Variants in SYNE1 observed in about 807,000 individuals in gnomAD.
The protein encoded by SYNE1 is nesprin-1.
A neutral mutation model predicts 1,111.0 loss-of-function variants in SYNE1; 616 were observed. The ratio of observed to expected loss-of-function variants is 0.55; its 90% CI spans 0.52 to 0.59. The LOEUF is 0.59. Among genes scored for constraint, SYNE1 ranks in the 20% least tolerant of loss-of-function variants. SYNE1 has a pLI of 0.00. For synonymous variants in SYNE1, 3,855 were observed against 3,825.8 expected, an observed-to-expected ratio of 1.01 and a Z score of -0.28; for missense variants, 10,006 against 10,417.0, an observed-to-expected ratio of 0.96 and a Z score of 1.72.
At chr6:152,503,172 G>C (rs1171720765) in intron 9 of SYNE1, among the ~76,000 whole-genome samples, 15 of 152,090 alleles carry the variant, frequency 9.9e-5, no homozygotes, top group Non-Finnish European at 1.5e-5. Context: ...GTGTGACACT[G>C]AATGACATAT....
At chr6:152,328,917 G>A (rs921319536) in intron 78 of SYNE1, among the ~76,000 whole-genome samples, 2 of 152,194 alleles carry the variant, frequency 1.3e-5, no homozygotes. Context: ...AAGAGATGGG[G>A]CAACTAATGG....
chr6:152,416,725 C>A lies in SYNE1; in HGVS notation c.5712G>T (p.Leu1904Phe). The A allele has an allele frequency of 6.2e-7, 1 of 1,614,232 alleles. No homozygotes were observed. Among genetic ancestry groups the A allele is most frequent in the Non-Finnish European group, 8.5e-7 (1 of 1,180,046 alleles). Residue 1904 changes from leucine to phenylalanine, a missense_variant, in exon 41 of 146, where the codon TTG (leucine) becomes TTT (phenylalanine). Leu to Phe is a conservative substitution (Grantham distance 22, BLOSUM62 0). Coordinates refer to ENST00000367255, the MANE Select transcript of SYNE1 (RefSeq NM_182961.4). ...TNSMNKNESD[L>F]IEKDLNDALQ... Reference sequence around the variant, plus strand: ...GAGCATCATTGAGGTCCTTTTCTATCAAATCAGACTCGTTCTTATTCATAC... The same window carrying A: ...GAGCATCATTGAGGTCCTTTTCTATAAAATCAGACTCGTTCTTATTCATAC...
chr6:152,291,491 C>T (rs1284512615), intron 95 of SYNE1, among the ~76,000 whole-genome samples: 1 of 152,114 alleles, frequency 6.6e-6, no homozygotes, highest in African/African-American at 2.4e-5. Context: ...AATTAATGTG[C>T]AATTTTGAGT....
chr6:152,188,505 A>G (rs1390852541), intron 128 of SYNE1, among the ~76,000 whole-genome samples: 1 of 152,202 alleles, frequency 6.6e-6, no homozygotes, highest in East Asian at 1.9e-4. Context: ...CCAGGAAACA[A>G]CTACAGTAAA....
chr6:152,182,049 C>T (rs74644749), intron 128 of SYNE1, among the ~76,000 whole-genome samples: 4,449 of 152,242 alleles, frequency 0.029, 111 homozygotes, highest in Non-Finnish European at 0.045. Flanking sequence ...TTGTATATCT[C>T]CTTTGGAGAA....
intron 82 of SYNE1, among the ~76,000 whole-genome samples, chr6:152,322,386 C>T (rs192451210): frequency 6.6e-6 from 1 of 152,170 alleles, no homozygotes; most frequent in Non-Finnish European, 1.5e-5. Flanking sequence ...CTTGACATCA[C>T]CTATAAGGGA....
Position 152,442,930 on chromosome 6 carries a change from AGT to A in SYNE1, c.3838-687_3838-686del, listed in dbSNP as rs2098545496. Among the ~76,000 whole-genome samples, 8 of 152,336 alleles carry A rather than the reference AGT, an allele frequency of 5.3e-5. No individual in the cohort carries two copies. The South Asian group carries it at 1.7e-3, about 32-fold the overall frequency. On this transcript the variant is annotated intron_variant, in intron 30 of 145. Coordinates refer to ENST00000367255, the MANE Select transcript of SYNE1 (RefSeq NM_182961.4). ...CACTACACTCCAGCCTGTGTGGCAG[AGT>A]GAGACACTGTCTCCAAAAATAAATG...
At position 152,140,054 on chromosome 6, in the gene SYNE1, T is replaced by C. The variant is rs570985950; in HGVS notation, c.25354A>G (p.Ile8452Val). The change falls in exon 140 of 146, where the codon ATC becomes GTC. Residue 8452 changes from isoleucine (I) to valine (V), a missense_variant. By Grantham distance (29) the Ile-to-Val change is conservative. Around this residue, in one of 7 missense-constraint regions of SYNE1, gnomAD observed 761 missense variants for 795.5 expected, o/e 0.96. Coordinates refer to ENST00000367255, the MANE Select transcript of SYNE1 (RefSeq NM_182961.4). ...TCCGTGTCCCCCAGCCAGGCCCAGA[T>C]GCTGTTCAAGTCTGAGTTAAACTGC... ...WQQFNSDLNS[I>V]WAWLGDTEEE... 1 of 1,614,210 alleles carries C rather than the reference T, an allele frequency of 6.2e-7. No individual in the cohort carries two copies. The highest frequency in any genetic ancestry group is 1.3e-5 in the African/African-American group (1 of 75,058).
chr6:152,131,659 C>G (rs1259535086), intron 144 of SYNE1, among the ~76,000 whole-genome samples: 1 of 152,120 alleles, frequency 6.6e-6, no homozygotes, highest in Non-Finnish European at 1.5e-5. Context: ...GACCACCACC[C>G]AGAAGCGGCT....
rs116000545 is a variant in SYNE1 at position 152,330,578 on chromosome 6, C to A, written c.14107G>T (p.Asp4703Tyr). ...GAAAGAGCCTCCTCAACGGCCAGGT[C>A]GGTGGGAACTTTGCTCATCCTCAAG... ...QFLRMSKVPT[D>Y]LAVEEALSLQ... Residue 4703 changes from aspartate to tyrosine, a missense_variant, in exon 78 of 146, where the codon GAC (aspartate) becomes TAC (tyrosine). Asp to Tyr is a radical substitution (Grantham distance 160). Around this residue, in one of 7 missense-constraint regions of SYNE1, gnomAD observed 4,955 missense variants for 5,017.2 expected, o/e 0.99. Transcript: ENST00000367255. 1.9e-6 allele frequency: 3 copies of A among 1,613,832 alleles called. No individual in the cohort carries two copies. The South Asian group carries it at 3.3e-5, about 18-fold the overall frequency.
intron 42 of SYNE1, 64 bp downstream of exon 42, chr6:152,413,288 A>G: frequency 1.3e-6 from 2 of 1,537,434 alleles, no homozygotes; most frequent in Admixed American, 3.3e-5. Context: ...CAAAACAGGC[A>G]ATGTCCCAAT....
chr6:152,145,805 AC>A (rs2059373883), intron 137 of SYNE1: 3 of 426,118 alleles, frequency 7.0e-6, no homozygotes, highest in South Asian at 6.2e-5. Context: ...CGGGTGGATC[AC>A]CTGAGGTCAG....
intron 99 of SYNE1, 107 bp downstream of exon 99, chr6:152,269,048 C>CTTT: frequency 6.6e-7 from 1 of 1,521,698 alleles, no homozygotes; most frequent in Non-Finnish European, 9.0e-7. Context: ...GATAAAGAGA[C>CTTT]ACTCTGTCTT....
intron 3 of SYNE1, among the ~76,000 whole-genome samples, chr6:152,618,175 T>C (rs2099666212): frequency 6.6e-6 from 1 of 152,302 alleles, no homozygotes; most frequent in Non-Finnish European, 1.5e-5. Context: ...AATTCCACTT[T>C]TTTCTGTTGA....
chr6:152,401,154 G>T lies in SYNE1; in HGVS notation c.7013C>A (p.Ala2338Glu). Reference sequence around the variant, plus strand: ...ATTACCTACCTTGACTTTTTTCAATGCTTCACAAGTCTCATTTTGGGCACA... The same window carrying T: ...ATTACCTACCTTGACTTTTTTCAATTCTTCACAAGTCTCATTTTGGGCACA... ...MNCAQNETCE[A>E]LKKVKDIQKE... The change falls in exon 47 of 146, where the codon GCA becomes GAA. Residue 2338 changes from alanine to glutamate, a missense_variant. Physicochemically the swap from Ala to Glu is moderately radical, Grantham distance 107. This residue lies in a region of SYNE1 where 4,955 missense variants were observed against 5,017.2 expected (regional missense o/e 0.99). Coordinates refer to ENST00000367255, the MANE Select transcript of SYNE1 (RefSeq NM_182961.4). 1 of 1,613,984 alleles carries T rather than the reference G, an allele frequency of 6.2e-7. No individual in the cohort carries two copies. Among genetic ancestry groups the T allele is most frequent in the East Asian group, 2.2e-5 (1 of 44,868 alleles).
At chr6:152,401,097 A>G in intron 47 of SYNE1, 41 bp downstream of exon 47, 2 of 1,588,700 alleles carry the variant, frequency 1.3e-6, no homozygotes, top group Non-Finnish European at 1.7e-6. Flanking sequence ...AACTACAATC[A>G]CCATTTGAAT....
chr6:152,156,487 G>C (rs140324828), intron 131 of SYNE1, among the ~76,000 whole-genome samples: 1 of 151,962 alleles, frequency 6.6e-6, no homozygotes, highest in African/African-American at 2.4e-5. Context: ...ACCTTCCCTC[G>C]GACACCAAAA....
intron 3 of SYNE1, among the ~76,000 whole-genome samples, chr6:152,550,390 A>G (rs577725074): frequency 6.6e-6 from 1 of 152,260 alleles, no homozygotes; most frequent in African/African-American, 2.4e-5. Flanking sequence ...TAAAAAACAA[A>G]TATTTTAAAA....
Position 152,453,604 on chromosome 6 carries a change from C to T in SYNE1, c.3009G>A (p.Lys1003=), listed in dbSNP as rs773628027. 3.1e-6 allele frequency: 5 copies of T among 1,614,198 alleles called. No individual in the cohort carries two copies. Among genetic ancestry groups the T allele is most frequent in the African/African-American group, 1.3e-5 (1 of 75,054 alleles). ...EQQGLQEAVR[K]LHKQWKDLQG... ...GACTCACCTTCCATTGTTTGTGGAG[C>T]TTTCGAACAGCTTCCTGCAGCCCCT... The change falls in exon 25 of 146, where the codon AAG becomes AAA. Residue 1003 remains lysine, a synonymous_variant. Transcript: ENST00000367255.
Sources: gnomAD v4.1 joint callset for allele counts (sites outside exome capture counted in the v4.1 genomes callset) on GRCh38, gnomAD v4.1.1 for gene constraint, gnomAD v4.1.1 regional missense constraint, MANE v1.5 for transcripts, NCBI Gene and HGNC (gene_info 2026-07-23, HGNC 2026-07-21) for gene names.